Variants in DNAL1 observed in about 807,000 individuals in gnomAD.
DNAL1 encodes chromosome 14 open reading frame 168.
DNAL1 carries 17 observed loss-of-function variants against 29.4 expected under a neutral mutation model. That is an observed-to-expected ratio of 0.58 (90% CI 0.40 to 0.87). DNAL1 has a LOEUF of 0.87. Ranked by LOEUF, DNAL1 falls within the 40% of genes least tolerant of loss-of-function variation. DNAL1 has a pLI of 0.00. For synonymous variants in DNAL1, 78 were observed against 76.3 expected, an observed-to-expected ratio of 1.02 and a Z score of -0.12; for missense variants, 188 against 214.1, an observed-to-expected ratio of 0.88 and a Z score of 0.76.
In DNAL1 at chr14:73,695,999, AT is replaced by A; in HGVS notation, c.*61del. 7.0e-7 allele frequency: 1 copy of A among 1,431,644 alleles called. No individual in the cohort carries two copies. The highest frequency in any genetic ancestry group is 9.5e-7 in the Non-Finnish European group (1 of 1,049,252). The allele number at this position is 1,431,644 out of a possible 1,614,324, so 88.7% of individuals were successfully genotyped here. A position where few individuals can be genotyped will look rare whatever the true frequency, so the allele number is the denominator to read the frequency against. ...TAAATGTCATAAGAACAATAGATAA[AT>A]TTTATATAATTGTCTATTTTAAAGA... is the stretch of plus-strand genomic sequence containing the variant. On this transcript the variant is annotated 3_prime_UTR_variant, in exon 8 of 8. Coordinates refer to ENST00000553645, the MANE Select transcript of DNAL1 (RefSeq NM_031427.4).
chr14:73,684,593 CAT>C (rs1234554034), intron 5 of DNAL1, among the ~76,000 whole-genome samples: 2 of 152,110 alleles, frequency 1.3e-5, no homozygotes, highest in African/African-American at 4.8e-5. Flanking sequence ...ATCCTCATTA[CAT>C]ATAGTCTAAA....
chr14:73,681,618 A>AT (rs1566888694), intron 5 of DNAL1, among the ~76,000 whole-genome samples: 45 of 73,624 alleles, frequency 6.1e-4, no homozygotes, highest in African/African-American at 1.1e-3. Flanking sequence ...AAAAAAAAAA[A>AT]AAAAAAAAAA....
chr14:73,678,893 G>A lies in DNAL1; in HGVS notation c.264+7296G>A, dbSNP rs531047906. Among the ~76,000 whole-genome samples the A allele has an allele frequency of 1.5e-3, 229 of 152,302 alleles. 10 individuals carry two copies. In the South Asian group the frequency reaches 0.046, roughly 31 times the overall value. On this transcript the variant is annotated intron_variant, in intron 5 of 7. Coordinates refer to ENST00000553645, the MANE Select transcript of DNAL1 (RefSeq NM_031427.4). ...ATATGAAGTGTAGAAAAAGCAAAGT[G>A]AATATTTATATGTACATATATGCAT...
intron 4 of DNAL1, among the ~76,000 whole-genome samples, chr14:73,665,817 T>C (rs1466050348): frequency 6.6e-6 from 1 of 151,072 alleles, no homozygotes; most frequent in African/African-American, 2.4e-5. Context: ...ACTATGATAA[T>C]AGTGAAAATG....
chr14:73,670,694 TAA>T (rs1392000636), intron 4 of DNAL1, among the ~76,000 whole-genome samples: 1 of 151,706 alleles, frequency 6.6e-6, no homozygotes, highest in African/African-American at 2.4e-5. Context: ...CTTTAAAAAA[TAA>T]AGATAGGCAT....
intron 7 of DNAL1, among the ~76,000 whole-genome samples, chr14:73,690,053 A>T (rs1224557663): frequency 2.7e-4 from 2 of 7,484 alleles, no homozygotes; most frequent in Non-Finnish European, 5.5e-4. Context: ...AAAAAAAAAG[A>T]AAAGAAAAGA....
chr14:73,671,777 G>A (rs2140042690), intron 5 of DNAL1, among the ~76,000 whole-genome samples, 180 bp downstream of exon 5: 1 of 152,244 alleles, frequency 6.6e-6, no homozygotes, highest in East Asian at 1.9e-4. Context: ...ACTCCCACCA[G>A]TAACGTGTGA....
chr14:73,691,821 G>A (rs946318121), intron 7 of DNAL1, among the ~76,000 whole-genome samples: 25 of 138,660 alleles, frequency 1.8e-4, no homozygotes, highest in African/African-American at 6.6e-4. Flanking sequence ...AGCCTCCCAA[G>A]TAGCTGGAAC....
chr14:73,669,812 G>A (rs1272477067), intron 4 of DNAL1, among the ~76,000 whole-genome samples: 4 of 152,092 alleles, frequency 2.6e-5, no homozygotes, highest in African/African-American at 4.8e-5. Context: ...TGAATTTTCC[G>A]GGGGACACAG....
At chr14:73,647,458 G>C (rs1447291294) in intron 1 of DNAL1, among the ~76,000 whole-genome samples, 1 of 151,628 alleles carries the variant, frequency 6.6e-6, no homozygotes, top group Non-Finnish European at 1.5e-5. Context: ...GAGATATAGT[G>C]TGTTATAACT....
At chr14:73,649,443 C>G (rs375925401) in intron 1 of DNAL1, among the ~76,000 whole-genome samples, 1 of 150,920 alleles carries the variant, frequency 6.6e-6, no homozygotes, top group African/African-American at 2.4e-5. Flanking sequence ...CCACCACGCC[C>G]GGCACATTTT....
chr14:73,675,968 T>C (rs7148574), intron 5 of DNAL1, among the ~76,000 whole-genome samples: 48,267 of 151,874 alleles, frequency 0.32, 8,210 homozygotes, highest in African/African-American at 0.39. Flanking sequence ...GAGCCGAGAT[T>C]GCGCCATTGC....
In DNAL1 at chr14:73,697,185, T is replaced by C. The variant is rs1178842136; in HGVS notation, c.*1243T>C. On this transcript the variant is annotated 3_prime_UTR_variant, in exon 8 of 8. Transcript: ENST00000553645. ...ATAGGAGGCCATGGCTGGATCACTA[T>C]TAGATTGCAGAAAAGAAGTCAGGGG... The C allele has an allele frequency of 6.6e-6, 1 of 152,168 alleles. No homozygotes were observed. Among genetic ancestry groups the C allele is most frequent in the Non-Finnish European group, 1.5e-5 (1 of 68,028 alleles). 9.4% of individuals were successfully genotyped at this position (152,168 alleles called of 1,614,324 possible).
chr14:73,680,897 T>C (rs1400717450), intron 5 of DNAL1, among the ~76,000 whole-genome samples: 1 of 152,152 alleles, frequency 6.6e-6, no homozygotes, highest in Non-Finnish European at 1.5e-5. Flanking sequence ...TGGAACACAA[T>C]GGTAAGTATT....
At chr14:73,676,957 GTATT>G (rs1209396016) in intron 5 of DNAL1, among the ~76,000 whole-genome samples, 12 of 145,740 alleles carry the variant, frequency 8.2e-5, no homozygotes, top group African/African-American at 3.0e-4. Context: ...TCAGTGAGTA[GTATT>G]CATTTTTTTT....
At chr14:73,657,980 G>C (rs190025857) in intron 2 of DNAL1, among the ~76,000 whole-genome samples, 58 of 152,314 alleles carry the variant, frequency 3.8e-4, no homozygotes, top group African/African-American at 1.4e-3. Context: ...TCTTCTCCTA[G>C]ACCAATGTCC....
At chr14:73,679,734 T>C (rs1484835318) in intron 5 of DNAL1, among the ~76,000 whole-genome samples, 1 of 152,222 alleles carries the variant, frequency 6.6e-6, no homozygotes, top group African/African-American at 2.4e-5. Context: ...ATCTTTATGG[T>C]TTCAGTGTTT....
At chr14:73,685,989 C>G (rs968392000) in intron 5 of DNAL1, among the ~76,000 whole-genome samples, 4 of 152,220 alleles carry the variant, frequency 2.6e-5, no homozygotes, top group Non-Finnish European at 5.9e-5. Context: ...TATCAATTAT[C>G]ATATGATAAT....
intron 2 of DNAL1, among the ~76,000 whole-genome samples, chr14:73,656,629 T>C (rs1185849697): frequency 6.6e-6 from 1 of 152,042 alleles, no homozygotes; most frequent in Non-Finnish European, 1.5e-5. Flanking sequence ...TCTCATTATG[T>C]TGCCCAGGTT....
Sources: allele counts gnomAD v4.1 joint callset (sites outside exome capture counted in the v4.1 genomes callset), GRCh38; gene constraint gnomAD v4.1.1; transcripts MANE v1.5; gene names NCBI Gene and HGNC (gene_info 2026-07-23, HGNC 2026-07-21).